LRRC56: variants seen among roughly 807,000 people sequenced by gnomAD.
LRRC56 encodes leucine rich repeat containing 56.
In LRRC56, 41 loss-of-function variants were observed where a neutral mutation model predicts 47.8. The observed-to-expected ratio is 0.86, with a 90% CI of 0.67 to 1.11. The LOEUF is 1.11. Ranked by LOEUF, LRRC56 falls within the 50% of genes most tolerant of loss-of-function variation. The probability of loss-of-function intolerance (pLI) is 0.00; values close to 1 mark genes in which losing one functional copy is unlikely to be tolerated. For missense variants in LRRC56, 759 were observed against 704.2 expected (o/e 1.08, Z -0.88); for synonymous variants, 387 against 311.2 (o/e 1.24, Z -2.56).
chr11:513,643 C>T, the LRRC56 span, among the ~76,000 whole-genome samples: 3 of 151,958 alleles, frequency 2.0e-5, no homozygotes, highest in African/African-American at 7.3e-5. Flanking sequence ...TCGCGTGCTA[C>T]GGAGAAATCT....
chr11:547,395 C>G (rs958652257), intron 6 of LRRC56, among the ~76,000 whole-genome samples: 3 of 150,870 alleles, frequency 2.0e-5, no homozygotes, highest in Admixed American at 1.3e-4. Flanking sequence ...ACTCCGTTGC[C>G]CAGGCTGGAG....
At chr11:533,424 G>A (rs774328372), upstream of LRRC56, 1 of 1,610,938 alleles carries the variant, frequency 6.2e-7, no homozygotes, top group East Asian at 2.2e-5. Context: ...CGGGTCCCTG[G>A]CTAGCTGTGG....
Position 539,707 on chromosome 11 carries a change from TC to T in LRRC56, c.-30del, listed in dbSNP as rs1425504368. On this transcript the variant is annotated 5_prime_UTR_variant, in exon 3 of 14. Coordinates refer to ENST00000270115, the MANE Select transcript of LRRC56 (RefSeq NM_198075.4). ...CACTGCGCCCCGCCAGACGTCTGCA[TC>T]TTTAAGGGGCAACACCAGGTAAGCC... The T allele has an allele frequency of 6.6e-6, 1 of 152,318 alleles. No individual in the cohort carries two copies. Among genetic ancestry groups the T allele is most frequent in the African/African-American group, 2.4e-5 (1 of 41,426 alleles). The allele number at this position is 152,318 out of a possible 1,614,324, so 9.4% of individuals were successfully genotyped here. A position where few individuals can be genotyped will look rare whatever the true frequency, so the allele number is the denominator to read the frequency against.
chr11:543,270 A>C lies in LRRC56; in HGVS notation c.266-1450A>C, dbSNP rs186287350. On this transcript the variant is annotated intron_variant, in intron 5 of 13. Coordinates refer to ENST00000270115, the MANE Select transcript of LRRC56 (RefSeq NM_198075.4). ...TCTCTTGTTGCCCAGGCTGGAGTGC[A>C]GTGGTGCAATCTTGGCTCACTGCAA... is the stretch of plus-strand genomic sequence containing the variant. Among the ~76,000 whole-genome samples the C allele has an allele frequency of 7.3e-5, 11 of 151,486 alleles. No homozygotes were observed. The East Asian group carries it at 2.1e-3, about 29-fold the overall frequency.
the LRRC56 span, among the ~76,000 whole-genome samples, chr11:512,617 C>T: frequency 3.3e-5 from 5 of 152,232 alleles, no homozygotes; most frequent in African/African-American, 1.2e-4. Flanking sequence ...TACAAAGGCC[C>T]GGAGGTTTAA....
upstream of LRRC56, chr11:534,129 G>A: frequency 1.6e-6 from 2 of 1,265,292 alleles, no homozygotes; most frequent in South Asian, 2.4e-5. Context: ...AGGGGACCAG[G>A]GGCTGCAGCC....
upstream of LRRC56, chr11:533,644 GGGCTGCAGGCGCAGCGGCATCCAGGA>G: frequency 6.2e-7 from 1 of 1,613,424 alleles, no homozygotes; most frequent in Non-Finnish European, 8.5e-7. Flanking sequence ...CTGGCTACGG[GGGCTGCAGGCGCAGCGGCATCCAGGA>G]CATGCGCAGA....
At chr11:530,539 CGTCCCCTGGACAGAAGGGGG>C in the LRRC56 span, among the ~76,000 whole-genome samples, 1 of 84,318 alleles carries the variant, frequency 1.2e-5, no homozygotes, top group Admixed American at 1.2e-4. Context: ...GCGAGTGTGG[CGTCCCCTGGACAGAAGGGGG>C]AGTGTGGCGT....
chr11:528,700 C>T, the LRRC56 span: 3 of 152,178 alleles, frequency 2.0e-5, no homozygotes, highest in Admixed American at 6.5e-5. Flanking sequence ...CCTGTGTGCA[C>T]GTTAGTGGGG....
At chr11:535,782 G>T (rs941938778), upstream of LRRC56, among the ~76,000 whole-genome samples, 3 of 152,220 alleles carry the variant, frequency 2.0e-5, no homozygotes, top group East Asian at 5.8e-4. Flanking sequence ...CCGGAGCCGA[G>T]CTCGGGGTTG....
the LRRC56 span, chr11:506,954 G>A: frequency 2.6e-5 from 4 of 152,178 alleles, no homozygotes; most frequent in African/African-American, 9.7e-5. Context: ...GATAGCCCCG[G>A]ACCCCTGCCC....
At chr11:535,450 CGGGGCCG>C, upstream of LRRC56, 1 of 122,664 alleles carries the variant, frequency 8.2e-6, no homozygotes, top group African/African-American at 2.6e-5. Context: ...GGGCCAGGGC[CGGGGCCG>C]AGGCCGGGGC....
intron 8 of LRRC56, 78 bp from the exon 9 acceptor site, chr11:551,053 G>T (rs1852355319): frequency 1.2e-6 from 1 of 866,876 alleles, no homozygotes; most frequent in African/African-American, 1.8e-5. Flanking sequence ...TCTGGGAAAG[G>T]GAGCCAGGGA....
At chr11:522,410 C>T in the LRRC56 span, among the ~76,000 whole-genome samples, 18 of 152,102 alleles carry the variant, frequency 1.2e-4, no homozygotes, top group East Asian at 7.7e-4. Context: ...GGACTACAGG[C>T]GGCCGCCACC....
the LRRC56 span, among the ~76,000 whole-genome samples, chr11:518,468 C>T: frequency 6.6e-6 from 1 of 152,102 alleles, no homozygotes; most frequent in South Asian, 2.1e-4. Flanking sequence ...AGGCGTGAGC[C>T]ACCGCGCCAG....
In LRRC56 at chr11:554,350, T is replaced by G; in HGVS notation, c.*74T>G. 2 of 1,299,616 alleles carry G rather than the reference T, an allele frequency of 1.5e-6. No homozygotes were observed. Among genetic ancestry groups the G allele is most frequent in the Non-Finnish European group, 2.0e-6 (2 of 989,742 alleles). The allele number at this position is 1,299,616 out of a possible 1,614,324, so 80.5% of individuals were successfully genotyped here. ...ACATATGTGGTCACAGAGCACAGAA[T>G]ACCTGGGCGGGTGTGTTGGGGGGTG... On this transcript the variant is annotated 3_prime_UTR_variant, in exon 14 of 14. Coordinates refer to ENST00000270115, the MANE Select transcript of LRRC56 (RefSeq NM_198075.4).
the LRRC56 span, among the ~76,000 whole-genome samples, chr11:525,255 T>G: frequency 1.4e-5 from 2 of 147,776 alleles, no homozygotes; most frequent in Non-Finnish European, 3.0e-5. Context: ...AATACAAAAA[T>G]CAGGCCAGGC....
the LRRC56 span, among the ~76,000 whole-genome samples, chr11:527,175 C>T: frequency 6.6e-6 from 1 of 152,054 alleles, no homozygotes; most frequent in Non-Finnish European, 1.5e-5. Context: ...GTGGCGGGCA[C>T]CTGTAATCCC....
the LRRC56 span, among the ~76,000 whole-genome samples, chr11:510,296 GTTCTAC>G: frequency 3.3e-5 from 5 of 152,168 alleles, no homozygotes; most frequent in Admixed American, 3.3e-4. Flanking sequence ...TCCTGTGCCT[GTTCTAC>G]TTCTATAAAT....
Sources: allele counts gnomAD v4.1 joint callset (sites outside exome capture counted in the v4.1 genomes callset), GRCh38; gene constraint gnomAD v4.1.1; transcripts MANE v1.5; gene names NCBI Gene and HGNC (gene_info 2026-07-23, HGNC 2026-07-21).